Variants in TRIM69 observed in about 807,000 individuals in gnomAD.
TRIM69 encodes the protein E3 ubiquitin-protein ligase TRIM69.
A neutral mutation model predicts 37.7 loss-of-function variants in TRIM69; 29 were observed. The observed-to-expected ratio is 0.77, with a 90% CI of 0.57 to 1.05. The LOEUF (loss-of-function observed/expected upper bound fraction) is 1.05, where lower values mean the gene tolerates loss of function less well. TRIM69 is among the 50% of genes least tolerant of loss of function. TRIM69 has a pLI of 0.00. For synonymous variants in TRIM69, 209 were observed against 212.4 expected, an observed-to-expected ratio of 0.98 and a Z score of 0.14; for missense variants, 596 against 579.9, an observed-to-expected ratio of 1.03 and a Z score of -0.28.
At position 44,767,407 on chromosome 15, in the gene TRIM69, T is replaced by A. The variant is rs144953961; in HGVS notation, c.1138T>A (p.Trp380Arg). The A allele has an allele frequency of 6.2e-6, 10 of 1,614,028 alleles. No homozygotes were observed. Among genetic ancestry groups the A allele is most frequent in the Admixed American group, 1.7e-5 (1 of 59,998 alleles). Residue 380 changes from tryptophan to arginine, a missense_variant, in exon 7 of 7, where the codon TGG (tryptophan) becomes AGG (arginine). By Grantham distance (101) the Trp-to-Arg change is moderately radical (BLOSUM62 -3). Transcript: ENST00000329464. ...SRGFTSGKWY[W>R]EVEVAKKTKW... ...AGGCTTCACCTCTGGAAAGTGGTACTGGGAAGTAGAAGTAGCAAAGAAGAC... is the reference window on the plus strand; with the variant it reads ...AGGCTTCACCTCTGGAAAGTGGTACAGGGAAGTAGAAGTAGCAAAGAAGAC...
At chr15:44,748,389 TTTATTTACAC>T (rs2095748114) in intron 1 of TRIM69, among the ~76,000 whole-genome samples, 1 of 152,156 alleles carries the variant, frequency 6.6e-6, no homozygotes, top group South Asian at 2.1e-4. Context: ...TCACTGAATG[TTTATTTACAC>T]CATTAGACCT....
intron 1 of TRIM69, chr15:44,754,090 G>A (rs957500552): frequency 1.3e-5 from 2 of 149,996 alleles, no homozygotes; most frequent in African/African-American, 4.9e-5. Flanking sequence ...AGTGTCTTGT[G>A]GATCTCTTAG....
At position 44,764,809 on chromosome 15, in the gene TRIM69, G is replaced by A. The variant is rs375634696; in HGVS notation, c.962-2422G>A. On this transcript the variant is annotated intron_variant, in intron 6 of 6. Coordinates refer to ENST00000329464, the MANE Select transcript of TRIM69 (RefSeq NM_182985.5). ...GAAAAAGCATTCTAGGACAAGGGAAGAAATTATAAGGACCCTGAAGTAGGA... is the reference window on the plus strand; with the variant it reads ...GAAAAAGCATTCTAGGACAAGGGAAAAAATTATAAGGACCCTGAAGTAGGA... 2.0e-5 allele frequency among the ~76,000 whole-genome samples: 3 copies of A among 152,324 alleles called. No homozygotes were observed. In the East Asian group the frequency reaches 5.8e-4, roughly 29 times the overall value.
At chr15:44,745,442 G>C (rs981107443) in intron 1 of TRIM69, among the ~76,000 whole-genome samples, 1 of 152,114 alleles carries the variant, frequency 6.6e-6, no homozygotes, top group African/African-American at 2.4e-5. Context: ...GGAAGATTCT[G>C]ATTTCCAGAG....
At chr15:44,751,091 A>G (rs1455538231) in intron 1 of TRIM69, among the ~76,000 whole-genome samples, 2 of 148,368 alleles carry the variant, frequency 1.3e-5, no homozygotes, top group Non-Finnish European at 3.0e-5. Flanking sequence ...AAATAGCTGG[A>G]ATTACAGGTG....
At chr15:44,763,126 T>A (rs1358740011) in intron 6 of TRIM69, among the ~76,000 whole-genome samples, 1 of 152,212 alleles carries the variant, frequency 6.6e-6, no homozygotes, top group Admixed American at 6.5e-5. Context: ...ATGTCATTTT[T>A]CTGTTTTAGG....
At chr15:44,758,255 C>G in intron 3 of TRIM69, 1 of 235,192 alleles carries the variant, frequency 4.3e-6, no homozygotes, top group South Asian at 7.2e-5. Context: ...TCCCAATACC[C>G]CCAGTCTAAC....
At chr15:44,759,346 T>C (rs2087723285) in intron 4 of TRIM69, among the ~76,000 whole-genome samples, 1 of 152,182 alleles carries the variant, frequency 6.6e-6, no homozygotes, top group Non-Finnish European at 1.5e-5. Flanking sequence ...ACCTAATGTG[T>C]TTTTCTTCTG....
At chr15:44,767,151 T>A in intron 6 of TRIM69, 80 bp from the exon 7 acceptor site, 1 of 1,196,630 alleles carries the variant, frequency 8.4e-7, no homozygotes, top group Non-Finnish European at 1.2e-6. Context: ...CTATTGAATA[T>A]GAAATACTAT....
intron 6 of TRIM69, among the ~76,000 whole-genome samples, chr15:44,760,808 C>A (rs1407021247): frequency 6.6e-6 from 1 of 152,162 alleles, no homozygotes; most frequent in Non-Finnish European, 1.5e-5. Context: ...CAGCCTCTAA[C>A]ATTCACTGAC....
chr15:44,751,368 G>A (rs1005053572), intron 1 of TRIM69, among the ~76,000 whole-genome samples: 19 of 151,826 alleles, frequency 1.3e-4, no homozygotes, highest in Admixed American at 4.6e-4. Flanking sequence ...TGCCCACCTC[G>A]GCCTCCCAAA....
Position 44,759,654 on chromosome 15 carries a change from C to G in TRIM69, c.828C>G (p.Leu276=). 1 of 1,614,064 alleles carries G rather than the reference C, an allele frequency of 6.2e-7. No individual in the cohort carries two copies. Among genetic ancestry groups the G allele is most frequent in the Non-Finnish European group, 8.5e-7 (1 of 1,179,946 alleles). The stretch of plus-strand genomic sequence containing the variant: ...CTTTCTTCTAGGACATCACAACTCT[C>G]TTACATAGGTAAGTGTTTCCCTATG... The part of the protein sequence containing the change: ...SFDFLKDITT[L]LHSLEQGMKV... Residue 276 remains leucine, a synonymous_variant, in exon 5 of 7, where the codon CTC becomes CTG. Coordinates refer to ENST00000329464, the MANE Select transcript of TRIM69 (RefSeq NM_182985.5).
Position 44,754,491 on chromosome 15 carries a change from T to C in TRIM69, c.7-409T>C, listed in dbSNP as rs369869537. On this transcript the variant is annotated intron_variant, in intron 1 of 6. Transcript: ENST00000329464. ...GAAGGGGACCCTGGATGGTTGACGA[T>C]ATCACACTACTGACTAAGGAATCTG... is the stretch of plus-strand genomic sequence containing the variant. The C allele has an allele frequency of 1.2e-4, 20 of 162,910 alleles. 1 individual carries two copies. The East Asian group carries it at 2.5e-3, about 21-fold the overall frequency. The allele number at this position is 162,910 out of a possible 1,614,324, so 10.1% of individuals were successfully genotyped here.
chr15:44,757,726 T>C (rs1012427689), intron 3 of TRIM69: 2 of 152,284 alleles, frequency 1.3e-5, no homozygotes, highest in East Asian at 3.9e-4. Context: ...ATTTTATTTT[T>C]GGAGAGACTG....
At chr15:44,745,238 T>G (rs1566890074) in intron 1 of TRIM69, among the ~76,000 whole-genome samples, 1 of 152,140 alleles carries the variant, frequency 6.6e-6, no homozygotes, top group Non-Finnish European at 1.5e-5. Flanking sequence ...TTGTTGTTGT[T>G]GTTGTTTGAT....
intron 6 of TRIM69, among the ~76,000 whole-genome samples, chr15:44,765,784 C>CAA (rs752946155): frequency 7.2e-6 from 1 of 138,902 alleles, no homozygotes; most frequent in Non-Finnish European, 1.6e-5. Context: ...AACAAACAAA[C>CAA]AAAAAAAAAA....
chr15:44,751,152 G>A (rs1259719758), intron 1 of TRIM69, among the ~76,000 whole-genome samples: 13 of 150,138 alleles, frequency 8.7e-5, no homozygotes. Context: ...GTCTCGCTCT[G>A]TCGCCCAGGC....
chr15:44,765,637 C>G (rs1477417506), intron 6 of TRIM69, among the ~76,000 whole-genome samples: 2 of 77,132 alleles, frequency 2.6e-5, no homozygotes, highest in East Asian at 6.4e-4. Context: ...GCCTGTAATC[C>G]TAGCTACTCA....
chr15:44,754,858 C>G (rs1469221274), intron 1 of TRIM69, 42 bp from the exon 2 acceptor site: 2 of 1,457,580 alleles, frequency 1.4e-6, no homozygotes, highest in Non-Finnish European at 1.9e-6. Flanking sequence ...TTAAAATGGG[C>G]AACAAGAAAG....
Sources: gnomAD v4.1 joint callset for allele counts (sites outside exome capture counted in the v4.1 genomes callset) on GRCh38, gnomAD v4.1.1 for gene constraint, MANE v1.5 for transcripts, NCBI Gene and HGNC (gene_info 2026-07-23, HGNC 2026-07-21) for gene names.